The following KCNT2 variants were observed in gnomAD, a reference collection of about 807,000 sequenced individuals.
The protein encoded by KCNT2 is potassium channel subfamily T member 2.
A neutral mutation model predicts 153.8 loss-of-function variants in KCNT2; 67 were observed. The observed-to-expected ratio is 0.44, with a 90% CI of 0.36 to 0.53. KCNT2 has a LOEUF of 0.53. KCNT2 is among the 20% of genes least tolerant of loss of function. The pLI is 0.00. For synonymous variants in KCNT2, 500 were observed against 458.8 expected (o/e 1.09, Z -1.15); for missense variants, 975 against 1,354.8 (o/e 0.72, Z 4.40).
At chr1:196,270,450 A>G (rs192797070) in intron 25 of KCNT2, among the ~76,000 whole-genome samples, 6 of 152,212 alleles carry the variant, frequency 3.9e-5, no homozygotes, top group African/African-American at 1.2e-4. Context: ...GTTTGTATAT[A>G]TTATGCATAT....
At chr1:196,403,796 A>C (rs1245046715) in intron 12 of KCNT2, among the ~76,000 whole-genome samples, 1 of 151,692 alleles carries the variant, frequency 6.6e-6, no homozygotes, top group East Asian at 1.9e-4. Flanking sequence ...CTGTAGAGTC[A>C]CAAACCTTGG....
chr1:196,314,032 C>T (rs1383834034), intron 21 of KCNT2, among the ~76,000 whole-genome samples: 1 of 151,410 alleles, frequency 6.6e-6, no homozygotes, highest in Non-Finnish European at 1.5e-5. Context: ...CAATTAGTTG[C>T]CATATATGTA....
At chr1:196,503,231 C>G (rs1467270753) in intron 1 of KCNT2, among the ~76,000 whole-genome samples, 1 of 151,960 alleles carries the variant, frequency 6.6e-6, no homozygotes, top group Non-Finnish European at 1.5e-5. Flanking sequence ...CACCTCCACT[C>G]CTTCCCATTA....
chr1:196,493,328 T>G (rs1679999911), intron 1 of KCNT2, among the ~76,000 whole-genome samples: 1 of 142,072 alleles, frequency 7.0e-6, no homozygotes, highest in South Asian at 2.5e-4. Flanking sequence ...TTTGGGGGTC[T>G]TTTTTTTGGG....
intron 1 of KCNT2, among the ~76,000 whole-genome samples, chr1:196,516,414 C>T (rs1682057847): frequency 2.0e-5 from 3 of 148,206 alleles, no homozygotes; most frequent in African/African-American, 5.0e-5. Context: ...CTTCCCTGGG[C>T]GGAATCTCTC....
chr1:196,588,750 A>G (rs1217779455), intron 1 of KCNT2, among the ~76,000 whole-genome samples: 1 of 151,876 alleles, frequency 6.6e-6, no homozygotes, highest in African/African-American at 2.4e-5. Flanking sequence ...GGCAGCAATT[A>G]ATTTTTACCA....
At position 196,370,553 on chromosome 1, in the gene KCNT2, AG is replaced by A. The variant is rs767363196; in HGVS notation, c.1403+2586del. ...CACTAGGATGGTTATGATAAAAAAAAGCGCGGATAATTACGAATACTGCTGA... is the reference window on the plus strand; with the variant it reads ...CACTAGGATGGTTATGATAAAAAAAACGCGGATAATTACGAATACTGCTGA... On this transcript the variant is annotated intron_variant, in intron 14 of 27. Transcript: ENST00000294725. Among the ~76,000 whole-genome samples, 491 of 149,052 alleles carry A rather than the reference AG, an allele frequency of 3.3e-3. 2 individuals carry two copies. The highest frequency in any genetic ancestry group is 0.01 in the African/African-American group (414 of 40,738).
Position 196,428,284 on chromosome 1 carries a change from C to T in KCNT2, c.820-15G>A. 1 of 1,596,626 alleles carries T rather than the reference C, an allele frequency of 6.3e-7. No individual in the cohort carries two copies. On this transcript the variant is annotated splice_polypyrimidine_tract_variant and intron_variant, in intron 9 of 27. Coordinates refer to ENST00000294725, the MANE Select transcript of KCNT2 (RefSeq NM_198503.5). The stretch of plus-strand genomic sequence containing the variant: ...AGCTGTTCAAACTGTAATATATTTT[C>T]CACATGTGAATGAAAAACACAGTAA...
intron 1 of KCNT2, among the ~76,000 whole-genome samples, chr1:196,595,505 C>G (rs1044211748): frequency 1.9e-4 from 29 of 151,970 alleles, no homozygotes; most frequent in African/African-American, 7.0e-4. Context: ...CCTGGGGATA[C>G]TAAAATCCAC....
chr1:196,536,973 T>C (rs2148862694), intron 1 of KCNT2, among the ~76,000 whole-genome samples: 2 of 152,314 alleles, frequency 1.3e-5, no homozygotes, highest in East Asian at 3.9e-4. Flanking sequence ...TCAGCTTCTT[T>C]CCATAGTTGG....
At chr1:196,541,435 A>T (rs6690846) in intron 1 of KCNT2, among the ~76,000 whole-genome samples, 149,622 of 152,192 alleles carry the variant, frequency 0.98, 73,590 homozygotes, top group Middle Eastern at 1. Flanking sequence ...CAAAACAAAT[A>T]TAATGAATAG....
intron 1 of KCNT2, among the ~76,000 whole-genome samples, chr1:196,498,798 A>G (rs1680453242): frequency 6.6e-6 from 1 of 152,176 alleles, no homozygotes; most frequent in Non-Finnish European, 1.5e-5. Context: ...TTCACTACTA[A>G]CAAAAATAAA....
intron 8 of KCNT2, among the ~76,000 whole-genome samples, chr1:196,457,820 A>G (rs1439536487): frequency 6.6e-6 from 1 of 151,902 alleles, no homozygotes; most frequent in Non-Finnish European, 1.5e-5. Flanking sequence ...AAGAGATTGC[A>G]CTCAATTGCT....
intron 8 of KCNT2, among the ~76,000 whole-genome samples, chr1:196,432,261 C>T (rs1274650056): frequency 2.0e-5 from 3 of 152,128 alleles, no homozygotes; most frequent in Non-Finnish European, 4.4e-5. Flanking sequence ...TCAAAGGATT[C>T]CTTGGAGAGC....
chr1:196,299,093 C>T (rs1293990772), intron 22 of KCNT2, among the ~76,000 whole-genome samples: 5 of 151,932 alleles, frequency 3.3e-5, no homozygotes, highest in Non-Finnish European at 5.9e-5. Flanking sequence ...TAATAAAAGG[C>T]TTTGTGAAAT....
At chr1:196,295,316 C>T (rs188636103) in intron 22 of KCNT2, among the ~76,000 whole-genome samples, 32 of 151,798 alleles carry the variant, frequency 2.1e-4, no homozygotes, top group African/African-American at 7.2e-4. Context: ...ATAAAATAAG[C>T]TATTTGTACC....
chr1:196,434,996 A>G (rs1674495013), intron 8 of KCNT2, among the ~76,000 whole-genome samples: 1 of 151,418 alleles, frequency 6.6e-6, no homozygotes, highest in East Asian at 2.0e-4. Context: ...AAGTTGAAAG[A>G]GTAATTACAG....
At chr1:196,563,413 A>G (rs1659673229) in intron 1 of KCNT2, among the ~76,000 whole-genome samples, 2 of 150,322 alleles carry the variant, frequency 1.3e-5, no homozygotes, top group South Asian at 2.1e-4. Context: ...AGTGGTATTC[A>G]TCGTTATCAT....
intron 8 of KCNT2, among the ~76,000 whole-genome samples, chr1:196,435,110 G>A (rs1268842492): frequency 8.4e-6 from 1 of 118,984 alleles, no homozygotes; most frequent in Admixed American, 9.5e-5. Context: ...TTGCTATTTA[G>A]CAATAGATAC....
Sources: allele counts gnomAD v4.1 joint callset (sites outside exome capture counted in the v4.1 genomes callset), GRCh38; gene constraint gnomAD v4.1.1; transcripts MANE v1.5; gene names NCBI Gene and HGNC (gene_info 2026-07-23, HGNC 2026-07-21).